DIAPH3: variants seen among roughly 807,000 people sequenced by gnomAD.
The protein encoded by DIAPH3 is diaphanous related formin 3, also known as protein diaphanous homolog 3.
In DIAPH3, 117 loss-of-function variants were observed where a neutral mutation model predicts 144.3. That is an observed-to-expected ratio of 0.81 (90% CI 0.70 to 0.95). The LOEUF (loss-of-function observed/expected upper bound fraction) is 0.95. DIAPH3 is among the 40% of genes least tolerant of loss of function. The pLI is 0.00. For synonymous variants in DIAPH3, 519 were observed against 488.9 expected, an observed-to-expected ratio of 1.06 and a Z score of -0.81; for missense variants, 1,421 against 1,412.7, an observed-to-expected ratio of 1.01 and a Z score of -0.09.
chr13:59,730,393 TGTA>T (rs2035837563), intron 27 of DIAPH3, among the ~76,000 whole-genome samples: 1 of 152,134 alleles, frequency 6.6e-6, no homozygotes, highest in South Asian at 2.1e-4. Context: ...AAAGGAAAAG[TGTA>T]GCATTTGACT....
At chr13:59,773,194 T>G (rs118069418) in intron 27 of DIAPH3, among the ~76,000 whole-genome samples, 2,426 of 152,300 alleles carry the variant, frequency 0.016, 32 homozygotes, top group Non-Finnish European at 0.025. Context: ...CTGCAGTATA[T>G]TTTTACCTTT....
intron 25 of DIAPH3, among the ~76,000 whole-genome samples, chr13:59,785,665 T>C (rs1262400206): frequency 1.3e-5 from 2 of 152,228 alleles, no homozygotes; most frequent in Non-Finnish European, 2.9e-5. Context: ...TGCTGATTAG[T>C]CAATGCAACA....
At chr13:60,117,720 G>C (rs1055467976) in intron 2 of DIAPH3, among the ~76,000 whole-genome samples, 2 of 152,056 alleles carry the variant, frequency 1.3e-5, no homozygotes, top group African/African-American at 2.4e-5. Flanking sequence ...CACACGATTT[G>C]CTTAAACCAA....
Position 59,802,658 on chromosome 13 carries a change from A to T in DIAPH3, c.3163+8130T>A, listed in dbSNP as rs866322915. Among the ~76,000 whole-genome samples, 87 of 22,892 alleles carry T rather than the reference A, an allele frequency of 3.8e-3. 1 individual carries two copies. Among genetic ancestry groups the T allele is most frequent in the Admixed American group, 7.7e-3 (9 of 1,172 alleles). 15.0% of individuals were successfully genotyped at this position (22,892 alleles called of 152,430 possible). A position where few individuals can be genotyped will look rare whatever the true frequency, so the allele number is the denominator to read the frequency against. On this transcript the variant is annotated intron_variant, in intron 25 of 27. Coordinates refer to ENST00000400324, the MANE Select transcript of DIAPH3 (RefSeq NM_001042517.2). Reference sequence around the variant, plus strand: ...CTTATTGATCTATATTATTATTATTATTATTATTATTTTTTTTTTTTTTTT... The same window carrying T: ...CTTATTGATCTATATTATTATTATTTTTATTATTATTTTTTTTTTTTTTTT...
chr13:60,157,736 C>A lies in DIAPH3; in HGVS notation c.180+5851G>T, dbSNP rs1018893367. Among the ~76,000 whole-genome samples the A allele has an allele frequency of 2.0e-5, 3 of 151,932 alleles. 1 individual carries two copies. The South Asian group carries it at 6.3e-4, about 32-fold the overall frequency. ...CCTTCTATTCTTCTGAGAAGTATTG[C>A]TTTTTGTGTTTGTTTTAGCAGGCAG... On this transcript the variant is annotated intron_variant, in intron 1 of 27. Coordinates refer to ENST00000400324, the MANE Select transcript of DIAPH3 (RefSeq NM_001042517.2).
intron 20 of DIAPH3, among the ~76,000 whole-genome samples, chr13:59,892,540 G>C (rs983984006): frequency 2.4e-4 from 37 of 151,774 alleles, no homozygotes; most frequent in African/African-American, 8.9e-4. Context: ...TGGTATATAG[G>C]TAAGTAGATA....
chr13:60,136,989 G>A (rs890965574), intron 1 of DIAPH3, among the ~76,000 whole-genome samples: 1 of 152,052 alleles, frequency 6.6e-6, no homozygotes, highest in Non-Finnish European at 1.5e-5. Context: ...CAAGACTACT[G>A]GTTATTGGTT....
At chr13:59,882,247 C>T (rs1037743436) in intron 20 of DIAPH3, among the ~76,000 whole-genome samples, 8 of 152,074 alleles carry the variant, frequency 5.3e-5, no homozygotes, top group African/African-American at 9.7e-5. Context: ...AGCCACCACG[C>T]CCGGCTAATT....
intron 21 of DIAPH3, among the ~76,000 whole-genome samples, chr13:59,866,833 T>C (rs1158188866): frequency 6.6e-6 from 1 of 151,986 alleles, no homozygotes; most frequent in African/African-American, 2.4e-5. Context: ...TAAAGGTATC[T>C]ACGTGAAAAT....
At chr13:59,750,039 G>A (rs1013095488) in intron 27 of DIAPH3, among the ~76,000 whole-genome samples, 8 of 152,144 alleles carry the variant, frequency 5.3e-5, no homozygotes, top group Admixed American at 2.0e-4. Context: ...AATAAAAAGA[G>A]GAATCTGTGG....
At chr13:59,716,489 T>A (rs1307179679) in intron 27 of DIAPH3, among the ~76,000 whole-genome samples, 1 of 152,054 alleles carries the variant, frequency 6.6e-6, no homozygotes, top group African/African-American at 2.4e-5. Flanking sequence ...GAAACATTTT[T>A]AAAAAAAGAG....
At chr13:59,678,902 A>G (rs80147526) in intron 27 of DIAPH3, among the ~76,000 whole-genome samples, 7,842 of 152,248 alleles carry the variant, frequency 0.052, 456 homozygotes, top group African/African-American at 0.13. Context: ...AAAAGCTGTA[A>G]GTTATCTAAA....
chr13:59,885,940 GT>G (rs1350975758), intron 20 of DIAPH3, among the ~76,000 whole-genome samples: 1 of 152,062 alleles, frequency 6.6e-6, no homozygotes, highest in Non-Finnish European at 1.5e-5. Flanking sequence ...AATCTCTGTT[GT>G]TTTAAGCCAC....
At chr13:60,127,086 C>A (rs1482381345) in intron 2 of DIAPH3, among the ~76,000 whole-genome samples, 2 of 151,836 alleles carry the variant, frequency 1.3e-5, no homozygotes, top group African/African-American at 4.8e-5. Context: ...ATAAAACTGG[C>A]AAACCTCTAG....
At chr13:59,765,589 C>T (rs930116467) in intron 27 of DIAPH3, among the ~76,000 whole-genome samples, 8 of 152,160 alleles carry the variant, frequency 5.3e-5, no homozygotes, top group African/African-American at 1.9e-4. Context: ...AACCTGACTC[C>T]GAACTGTTTT....
chr13:59,987,511 C>CA (rs34211050), intron 12 of DIAPH3, among the ~76,000 whole-genome samples: 54 of 127,740 alleles, frequency 4.2e-4, no homozygotes, highest in South Asian at 2.8e-3. Flanking sequence ...AAGACCAAAC[C>CA]AAAAAAAAAA....
chr13:60,155,169 T>C (rs1168704295), intron 1 of DIAPH3, among the ~76,000 whole-genome samples: 2 of 152,170 alleles, frequency 1.3e-5, no homozygotes. Context: ...TCAGAAGCAA[T>C]TGCTACAAGA....
chr13:59,867,548 G>T (rs1213980279), intron 21 of DIAPH3, among the ~76,000 whole-genome samples: 1 of 152,016 alleles, frequency 6.6e-6, no homozygotes, highest in Non-Finnish European at 1.5e-5. Flanking sequence ...CCAAGAAAGT[G>T]CATTAAATAA....
chr13:59,687,722 C>A (rs1028665767), intron 27 of DIAPH3, among the ~76,000 whole-genome samples: 2 of 151,960 alleles, frequency 1.3e-5, no homozygotes, highest in African/African-American at 4.8e-5. Context: ...TTCAGAGAGA[C>A]AATGAACCAC....
Sources: gnomAD v4.1 joint callset for allele counts (sites outside exome capture counted in the v4.1 genomes callset) on GRCh38, gnomAD v4.1.1 for gene constraint, MANE v1.5 for transcripts, NCBI Gene and HGNC (gene_info 2026-07-23, HGNC 2026-07-21) for gene names.